The following FABP7 variants were observed in gnomAD, a reference collection of about 807,000 sequenced individuals.
FABP7 encodes fatty acid binding protein 7.
In FABP7, 13 loss-of-function variants were observed where a neutral mutation model predicts 14.2. The ratio of observed to expected loss-of-function variants is 0.91; its 90% CI spans 0.59 to 1.45. The LOEUF is 1.45. FABP7 is among the 40% of genes most tolerant of loss of function. The pLI is 0.00. For synonymous variants in FABP7, 49 were observed against 51.4 expected (o/e 0.95, Z 0.20); for missense variants, 149 against 157.6 (o/e 0.95, Z 0.29).
chr6:122,753,846 G>A, the FABP7 span, among the ~76,000 whole-genome samples: 6 of 125,148 alleles, frequency 4.8e-5, no homozygotes, highest in Non-Finnish European at 9.4e-5. Context: ...TGTAACTGAA[G>A]TGGTAGCTGG....
chr6:122,780,635 A>G (rs1239958977), intron 2 of FABP7, 172 bp downstream of exon 2: 3 of 682,428 alleles, frequency 4.4e-6, no homozygotes, highest in Non-Finnish European at 7.4e-6. Flanking sequence ...ATTTTGAACA[A>G]TGGGTACTTG....
the FABP7 span, among the ~76,000 whole-genome samples, chr6:122,754,103 C>G: frequency 7.9e-5 from 12 of 152,222 alleles, no homozygotes; most frequent in East Asian, 2.1e-3. Context: ...CCTTCAGACC[C>G]TATTCTCCTG....
intron 3 of FABP7, chr6:122,783,401 T>A (rs1171163340): frequency 1.0e-6 from 1 of 984,864 alleles, no homozygotes; most frequent in Non-Finnish European, 1.2e-6. Flanking sequence ...TTAAAGCAGA[T>A]AGTTGAGAAA....
At chr6:122,781,558 A>G (rs1238165629) in intron 3 of FABP7, 1 of 1,251,356 alleles carries the variant, frequency 8.0e-7, no homozygotes, top group Non-Finnish European at 1.0e-6. Context: ...ATATATAAAG[A>G]TAATTGCTAT....
the FABP7 span, among the ~76,000 whole-genome samples, chr6:122,763,516 A>C: frequency 6.6e-6 from 1 of 152,244 alleles, no homozygotes; most frequent in African/African-American, 2.4e-5. Context: ...AAGCAATGGC[A>C]ACAAAAGCCA....
chr6:122,767,198 G>T, the FABP7 span, among the ~76,000 whole-genome samples: 6 of 152,118 alleles, frequency 3.9e-5, no homozygotes, highest in African/African-American at 1.4e-4. Context: ...ATATAAAATA[G>T]ATATGATTCC....
At chr6:122,781,297 C>T (rs1479712733) in intron 3 of FABP7, 103 bp downstream of exon 3, 2 of 1,556,198 alleles carry the variant, frequency 1.3e-6, no homozygotes, top group Non-Finnish European at 1.7e-6. Context: ...CTTCCTCCTT[C>T]CTTCCTTCTT....
the FABP7 span, among the ~76,000 whole-genome samples, chr6:122,761,391 T>A: frequency 2.6e-4 from 40 of 152,278 alleles, no homozygotes; most frequent in Non-Finnish European, 5.1e-4. Context: ...AGAAGTTAGG[T>A]TATCTAAAGA....
the FABP7 span, among the ~76,000 whole-genome samples, chr6:122,773,950 A>G: frequency 1.3e-5 from 2 of 152,160 alleles, no homozygotes; most frequent in Non-Finnish European, 2.9e-5. Flanking sequence ...TAGTTAATAA[A>G]TAAAGGTAAC....
upstream of FABP7, among the ~76,000 whole-genome samples, chr6:122,774,751 G>GA (rs909762517): frequency 5.5e-5 from 7 of 127,652 alleles, no homozygotes; most frequent in Non-Finnish European, 9.9e-5. Flanking sequence ...CTCATATTTA[G>GA]AAAAACCTAA....
At chr6:122,753,936 G>T in the FABP7 span, among the ~76,000 whole-genome samples, 1 of 152,036 alleles carries the variant, frequency 6.6e-6, no homozygotes, top group Admixed American at 6.6e-5. Flanking sequence ...AGACCAGACG[G>T]GCACTCAGGA....
chr6:122,781,723 T>C (rs1780790484), intron 3 of FABP7: 1 of 902,686 alleles, frequency 1.1e-6, no homozygotes, highest in Non-Finnish European at 1.3e-6. Context: ...CCCTCTGATT[T>C]CTCATCAGTG....
At chr6:122,776,253 G>A (rs1007041839), upstream of FABP7, among the ~76,000 whole-genome samples, 7 of 152,132 alleles carry the variant, frequency 4.6e-5, no homozygotes, top group Non-Finnish European at 8.8e-5. Context: ...AGTTACAATA[G>A]ACAAGATTTG....
At chr6:122,771,371 A>T in the FABP7 span, among the ~76,000 whole-genome samples, 1 of 152,206 alleles carries the variant, frequency 6.6e-6, no homozygotes, top group African/African-American at 2.4e-5. Context: ...CTGATCCCAG[A>T]TTAGTAACTT....
chr6:122,755,434 T>C, the FABP7 span, among the ~76,000 whole-genome samples: 1 of 151,352 alleles, frequency 6.6e-6, no homozygotes, highest in Middle Eastern at 3.5e-3. Flanking sequence ...ATTCAACATT[T>C]TCTACTCCTC....
At chr6:122,781,890 A>G (rs1582520624) in intron 3 of FABP7, 5 of 387,748 alleles carry the variant, frequency 1.3e-5, no homozygotes, top group Non-Finnish European at 1.8e-5. Flanking sequence ...CACAGGTGCA[A>G]GCCACCAACG....
the FABP7 span, among the ~76,000 whole-genome samples, chr6:122,773,665 T>C: frequency 6.6e-6 from 1 of 152,224 alleles, no homozygotes; most frequent in Non-Finnish European, 1.5e-5. Context: ...TGTTATTTAA[T>C]TTTTGTTGCT....
chr6:122,753,313 A>C, the FABP7 span, among the ~76,000 whole-genome samples: 24 of 152,190 alleles, frequency 1.6e-4, no homozygotes, highest in East Asian at 1.9e-3. Context: ...TGATTTAGCA[A>C]ATTGAATCTT....
upstream of FABP7, among the ~76,000 whole-genome samples, chr6:122,776,069 C>T (rs1182509581): frequency 6.6e-6 from 1 of 152,042 alleles, no homozygotes; most frequent in East Asian, 1.9e-4. Context: ...AATGCTTATA[C>T]ACTGTTGTTG....
Sources: gnomAD v4.1 joint callset for allele counts (sites outside exome capture counted in the v4.1 genomes callset) on GRCh38, gnomAD v4.1.1 for gene constraint, MANE v1.5 for transcripts, NCBI Gene and HGNC (gene_info 2026-07-23, HGNC 2026-07-21) for gene names.